Variants in AFAP1L2 observed in about 807,000 individuals in gnomAD.
The protein encoded by AFAP1L2 is actin filament-associated protein 1-like 2.
In AFAP1L2, 46 loss-of-function variants were observed where a neutral mutation model predicts 99.3. That is an observed-to-expected ratio of 0.46 (90% CI 0.37 to 0.59). The LOEUF is 0.59. Ranked by LOEUF, AFAP1L2 falls within the 20% of genes least tolerant of loss-of-function variation. The pLI is 0.00. For synonymous variants in AFAP1L2, 397 were observed against 419.1 expected, an observed-to-expected ratio of 0.95 and a Z score of 0.64; for missense variants, 959 against 1,034.9, an observed-to-expected ratio of 0.93 and a Z score of 1.01.
intron 5 of AFAP1L2, among the ~76,000 whole-genome samples, chr10:114,320,710 G>A (rs1446832109): frequency 6.6e-6 from 1 of 152,190 alleles, no homozygotes; most frequent in South Asian, 2.1e-4. Flanking sequence ...AAGAAGCGCT[G>A]GCCTTTCTGA....
intron 1 of AFAP1L2, among the ~76,000 whole-genome samples, chr10:114,347,451 G>A (rs925280151): frequency 3.3e-5 from 5 of 152,036 alleles, no homozygotes; most frequent in Admixed American, 3.3e-4. Flanking sequence ...ATAGAAAGTG[G>A]GATTTTTTTC....
At chr10:114,300,795 T>C (rs1192892899) in intron 13 of AFAP1L2, 105 bp from the exon 14 acceptor site, 1 of 1,443,044 alleles carries the variant, frequency 6.9e-7, no homozygotes, top group African/African-American at 1.4e-5. Context: ...TCTCACAGTG[T>C]TCCAAGAGAT....
intron 4 of AFAP1L2, chr10:114,326,014 C>T (rs748541470): frequency 2.6e-5 from 31 of 1,208,006 alleles, no homozygotes; most frequent in East Asian, 1.4e-4. Flanking sequence ...TCTGGGCACC[C>T]GAGATCTGGC....
At chr10:114,369,609 A>AAG (rs2053829452) in intron 1 of AFAP1L2, among the ~76,000 whole-genome samples, 1 of 151,834 alleles carries the variant, frequency 6.6e-6, no homozygotes, top group African/African-American at 2.4e-5. Context: ...AAAAAAAAAA[A>AAG]AAAAAACTTT....
At chr10:114,347,606 G>C (rs11196709) in intron 1 of AFAP1L2, among the ~76,000 whole-genome samples, 2 of 152,000 alleles carry the variant, frequency 1.3e-5, no homozygotes, top group Non-Finnish European at 2.9e-5. Context: ...TGGGACTATA[G>C]GCATGTACCA....
chr10:114,387,872 T>C (rs1339512398), intron 1 of AFAP1L2, among the ~76,000 whole-genome samples: 2 of 152,138 alleles, frequency 1.3e-5, no homozygotes, highest in Non-Finnish European at 2.9e-5. Context: ...GCTCCTTTCC[T>C]TCCTTGGCTT....
intron 11 of AFAP1L2, among the ~76,000 whole-genome samples, 191 bp from the exon 12 acceptor site, chr10:114,302,675 T>C (rs766359066): frequency 1.3e-5 from 2 of 152,232 alleles, no homozygotes; most frequent in Non-Finnish European, 2.9e-5. Flanking sequence ...ATATTTCCTG[T>C]CGTCAGTGAC....
chr10:114,368,191 G>C (rs2053563402), intron 1 of AFAP1L2, among the ~76,000 whole-genome samples: 1 of 152,158 alleles, frequency 6.6e-6, no homozygotes, highest in African/African-American at 2.4e-5. Flanking sequence ...ATTACGCTAA[G>C]TAAAATAAGC....
chr10:114,331,796 T>C lies in AFAP1L2; in HGVS notation c.315+7A>G, dbSNP rs10787524. 1,123,897 of 1,372,082 alleles carry C rather than the reference T, an allele frequency of 0.82. 464,609 individuals carry two copies. Among genetic ancestry groups the C allele is most frequent in the East Asian group, 0.88 (29,006 of 33,056 alleles). 85.0% of individuals were successfully genotyped at this position (1,372,082 alleles called of 1,614,324 possible). ...AGGGAAATCAGGGGTCCTGAACTGATGCTTACCATCTTGGGTGGCGGGAGG... is the reference window on the plus strand; with the variant it reads ...AGGGAAATCAGGGGTCCTGAACTGACGCTTACCATCTTGGGTGGCGGGAGG... On this transcript the variant is annotated splice_region_variant and intron_variant, in intron 4 of 18. Coordinates refer to ENST00000304129, the MANE Select transcript of AFAP1L2 (RefSeq NM_001001936.3).
downstream of AFAP1L2, chr10:114,291,185 A>G (rs2039561097): frequency 1.3e-6 from 2 of 1,549,764 alleles, no homozygotes; most frequent in Non-Finnish European, 1.7e-6. Flanking sequence ...GGATGCAGAC[A>G]CTCCTGTCCT....
Position 114,331,861 on chromosome 10 carries a change from G to T in AFAP1L2, c.257C>A (p.Pro86His). The T allele has an allele frequency of 5.8e-6, 8 of 1,377,104 alleles. No homozygotes were observed. The highest frequency in any genetic ancestry group is 5.7e-6 in the Non-Finnish European group (6 of 1,057,444). 85.3% of individuals were successfully genotyped at this position (1,377,104 alleles called of 1,614,324 possible). A position where few individuals can be genotyped will look rare whatever the true frequency, so the allele number is the denominator to read the frequency against. ...CTGAGGGGCCGAGGAGTGCTGGCTG[G>T]GCTCCCCATTGGGTAGCAGGCCCTG... ...EEQGLLPNGE[P>H]SQHSSAPQKS... The change falls in exon 4 of 19, where the codon CCC (proline) becomes CAC (histidine). Residue 86 changes from proline (P) to histidine (H), a missense_variant. Coordinates refer to ENST00000304129, the MANE Select transcript of AFAP1L2 (RefSeq NM_001001936.3).
At chr10:114,321,013 C>A (rs1014553169) in intron 5 of AFAP1L2, among the ~76,000 whole-genome samples, 1 of 152,210 alleles carries the variant, frequency 6.6e-6, no homozygotes, top group East Asian at 1.9e-4. Context: ...CCTAAACAGG[C>A]GCTCACTTCC....
intron 7 of AFAP1L2, 62 bp from the exon 8 acceptor site, chr10:114,310,505 G>T: frequency 6.8e-7 from 1 of 1,479,844 alleles, no homozygotes; most frequent in Non-Finnish European, 9.3e-7. Context: ...TCACAGCCAG[G>T]CTGAAGCCAG....
chr10:114,284,745 G>C, the AFAP1L2 span: 2 of 895,068 alleles, frequency 2.2e-6, no homozygotes, highest in South Asian at 3.3e-5. Flanking sequence ...GACTGTGGGG[G>C]AAGGGAGGGG....
intron 1 of AFAP1L2, chr10:114,393,635 G>A (rs985653044): frequency 1.3e-5 from 2 of 152,170 alleles, no homozygotes; most frequent in Non-Finnish European, 2.9e-5. Context: ...GGCTTTGTAA[G>A]GATCTGATCT....
intron 2 of AFAP1L2, 121 bp downstream of exon 2, chr10:114,340,482 T>G: frequency 7.0e-5 from 94 of 1,349,134 alleles, no homozygotes; most frequent in Middle Eastern, 2.7e-4. Context: ...TCCAGAAGTG[T>G]GAGAAAATAA....
At chr10:114,329,430 A>G (rs928557114) in intron 4 of AFAP1L2, among the ~76,000 whole-genome samples, 1 of 152,218 alleles carries the variant, frequency 6.6e-6, no homozygotes, top group African/African-American at 2.4e-5. Flanking sequence ...GGTGCTCATG[A>G]AACTCTGCCC....
chr10:114,324,672 C>T (rs772307958), intron 4 of AFAP1L2, among the ~76,000 whole-genome samples: 3 of 152,236 alleles, frequency 2.0e-5, no homozygotes, highest in African/African-American at 2.4e-5. Context: ...CTGCGCCCTC[C>T]GCGTGAGAGG....
intron 3 of AFAP1L2, among the ~76,000 whole-genome samples, chr10:114,332,534 GC>G (rs2047389714): frequency 6.6e-6 from 1 of 152,196 alleles, no homozygotes; most frequent in Non-Finnish European, 1.5e-5. Flanking sequence ...TGAGTGCTTT[GC>G]CATGCTGTGT....
Sources: allele counts gnomAD v4.1 joint callset (sites outside exome capture counted in the v4.1 genomes callset), GRCh38; gene constraint gnomAD v4.1.1; transcripts MANE v1.5; gene names NCBI Gene and HGNC (gene_info 2026-07-23, HGNC 2026-07-21).